ADGRB3: variants seen among roughly 807,000 people sequenced by gnomAD.
ADGRB3 encodes brain-specific angiogenesis inhibitor 3.
Under a neutral mutation model 193.4 loss-of-function variants are expected in ADGRB3, and 37 were observed. That is an observed-to-expected ratio of 0.19 (90% CI 0.15 to 0.25). The LOEUF is 0.25. Ranked by LOEUF, ADGRB3 falls within the 10% of genes least tolerant of loss-of-function variation. The probability of loss-of-function intolerance (pLI) is 1.00; values close to 1 mark genes in which losing one functional copy is unlikely to be tolerated. For synonymous variants in ADGRB3, 690 were observed against 644.2 expected (o/e 1.07, Z -1.08); for missense variants, 1,637 against 1,852.9 (o/e 0.88, Z 2.14).
At chr6:69,368,590 C>T (rs895687684) in intron 29 of ADGRB3, among the ~76,000 whole-genome samples, 2 of 151,798 alleles carry the variant, frequency 1.3e-5, no homozygotes, top group African/African-American at 4.8e-5. Flanking sequence ...ATTATGGTAT[C>T]CAGAAGAGAA....
chr6:69,122,399 A>G (rs896819277), intron 17 of ADGRB3, among the ~76,000 whole-genome samples: 3 of 143,212 alleles, frequency 2.1e-5, no homozygotes, highest in Non-Finnish European at 4.5e-5. Flanking sequence ...CAGCCAGCCA[A>G]GACCACGGCA....
chr6:69,014,220 G>T (rs1399433544), intron 12 of ADGRB3, 114 bp downstream of exon 12: 2 of 669,326 alleles, frequency 3.0e-6, no homozygotes, highest in Non-Finnish European at 4.9e-6. Flanking sequence ...AGTCAGTCTA[G>T]GTTATATCCT....
rs1767237803 is a variant in ADGRB3 at position 69,274,031 on chromosome 6, G to GA, written c.2814+34810dup. On this transcript the variant is annotated intron_variant, in intron 20 of 31. Transcript: ENST00000370598. ...TAGTGGATGTCTTCAGGAGGTAGGG[G>GA]AAAAATGTGAATAGAGACATCCAAG... is the stretch of plus-strand genomic sequence containing the variant. Among the ~76,000 whole-genome samples, 6 of 152,198 alleles carry GA rather than the reference G, an allele frequency of 3.9e-5. No homozygotes were observed. The South Asian group carries it at 1.2e-3, about 32-fold the overall frequency.
At chr6:69,313,621 T>G (rs987034058) in intron 20 of ADGRB3, among the ~76,000 whole-genome samples, 1 of 151,680 alleles carries the variant, frequency 6.6e-6, no homozygotes, top group Non-Finnish European at 1.5e-5. Flanking sequence ...GCTTGCAAGC[T>G]GGGAAAGGAT....
intron 3 of ADGRB3, among the ~76,000 whole-genome samples, chr6:68,797,950 A>G (rs1464610544): frequency 6.6e-6 from 1 of 152,198 alleles, no homozygotes; most frequent in Admixed American, 6.6e-5. Context: ...ACCAATGAAT[A>G]TAGCTGTGGG....
rs56738826 is a variant in ADGRB3, at chr6:69,103,671, T to G, written c.2480+27633T>G. Among the ~76,000 whole-genome samples, 264 of 151,954 alleles carry G rather than the reference T, an allele frequency of 1.7e-3. 2 individuals are homozygous for G. Among genetic ancestry groups the G allele is most frequent in the African/African-American group, 6.2e-3 (256 of 41,528 alleles). On this transcript the variant is annotated intron_variant, in intron 17 of 31. Coordinates refer to ENST00000370598, the MANE Select transcript of ADGRB3 (RefSeq NM_001704.3). ...ATCCTGTAGTGAATTGTAAAAGTAA[T>G]GAACAAGGGCAATTGGATGACTCCT...
intron 6 of ADGRB3, among the ~76,000 whole-genome samples, chr6:68,951,625 G>A (rs1476088581): frequency 1.3e-5 from 2 of 152,174 alleles, no homozygotes; most frequent in African/African-American, 2.4e-5. Flanking sequence ...AGGGATTGTG[G>A]AGTGTTTACG....
intron 3 of ADGRB3, among the ~76,000 whole-genome samples, chr6:68,828,235 G>A (rs934741353): frequency 1.3e-5 from 2 of 152,040 alleles, no homozygotes; most frequent in African/African-American, 4.8e-5. Context: ...CATTAAGAAG[G>A]TTATTGCCAT....
intron 13 of ADGRB3, among the ~76,000 whole-genome samples, chr6:69,030,296 T>A (rs546422354): frequency 6.6e-6 from 1 of 152,278 alleles, no homozygotes; most frequent in African/African-American, 2.4e-5. Context: ...ATCATTTTAC[T>A]ATAAAGACAC....
chr6:68,993,586 A>G (rs1458227423), intron 10 of ADGRB3, among the ~76,000 whole-genome samples, 182 bp from the exon 11 acceptor site: 2 of 152,220 alleles, frequency 1.3e-5, no homozygotes, highest in African/African-American at 4.8e-5. Context: ...TAATTCTTGC[A>G]TGCTGGATGT....
intron 3 of ADGRB3, among the ~76,000 whole-genome samples, chr6:68,853,898 A>G (rs1768456064): frequency 6.6e-6 from 1 of 152,200 alleles, no homozygotes; most frequent in South Asian, 2.1e-4. Context: ...ATCTTTCACT[A>G]CAAAGGAAGC....
chr6:69,066,400 A>G (rs903411872), intron 16 of ADGRB3, among the ~76,000 whole-genome samples: 11 of 151,944 alleles, frequency 7.2e-5, no homozygotes, highest in African/African-American at 2.4e-4. Flanking sequence ...AATGGGAATT[A>G]ATAGTTACAG....
intron 19 of ADGRB3, among the ~76,000 whole-genome samples, chr6:69,237,376 C>T (rs1479588235): frequency 2.0e-5 from 3 of 151,868 alleles, no homozygotes; most frequent in African/African-American, 7.3e-5. Flanking sequence ...CAGAAATGTT[C>T]ACCAAAAATT....
intron 3 of ADGRB3, among the ~76,000 whole-genome samples, chr6:68,836,941 T>C (rs1768057202): frequency 6.6e-6 from 1 of 152,166 alleles, no homozygotes; most frequent in South Asian, 2.1e-4. Flanking sequence ...GTATTAAAAA[T>C]CCATATGCCT....
At chr6:68,768,164 T>G (rs1465978579) in intron 3 of ADGRB3, among the ~76,000 whole-genome samples, 1 of 152,202 alleles carries the variant, frequency 6.6e-6, no homozygotes, top group African/African-American at 2.4e-5. Flanking sequence ...TACCACTGAC[T>G]TTCTTCACAG....
chr6:68,692,564 AG>A (rs1350532338), intron 3 of ADGRB3, among the ~76,000 whole-genome samples: 4 of 151,846 alleles, frequency 2.6e-5, no homozygotes, highest in Admixed American at 6.6e-5. Flanking sequence ...AAAATATACC[AG>A]GGGTTACTTA....
At chr6:69,329,030 C>A (rs963107727) in intron 22 of ADGRB3, among the ~76,000 whole-genome samples, 17 of 151,606 alleles carry the variant, frequency 1.1e-4, no homozygotes, top group Non-Finnish European at 1.9e-4. Context: ...ACAGTGTAAA[C>A]CCCTAGGGAA....
intron 10 of ADGRB3, among the ~76,000 whole-genome samples, chr6:68,978,862 G>A (rs60159159): frequency 6.6e-6 from 1 of 151,014 alleles, no homozygotes; most frequent in African/African-American, 2.4e-5. Flanking sequence ...ATAATCTACT[G>A]TAGAAAAATA....
At chr6:69,268,079 A>G (rs1434125181) in intron 20 of ADGRB3, among the ~76,000 whole-genome samples, 1 of 152,190 alleles carries the variant, frequency 6.6e-6, no homozygotes, top group Non-Finnish European at 1.5e-5. Flanking sequence ...AAACCTAGAA[A>G]AATTCAGCAT....
Sources: gnomAD v4.1 joint callset for allele counts (sites outside exome capture counted in the v4.1 genomes callset) on GRCh38, gnomAD v4.1.1 for gene constraint, MANE v1.5 for transcripts, NCBI Gene and HGNC (gene_info 2026-07-23, HGNC 2026-07-21) for gene names.